The following UBE3B variants were observed in gnomAD, a reference collection of about 807,000 sequenced individuals.
The protein encoded by UBE3B is ubiquitin-protein ligase E3B.
In UBE3B, 80 loss-of-function variants were observed where a neutral mutation model predicts 132.3. The observed-to-expected ratio is 0.60, with a 90% CI of 0.50 to 0.73. The LOEUF (loss-of-function observed/expected upper bound fraction) is 0.73, where lower values mean the gene tolerates loss of function less well. Among genes scored for constraint, UBE3B ranks in the 30% least tolerant of loss-of-function variants. The probability of loss-of-function intolerance (pLI) is 0.00; values close to 1 mark genes in which losing one functional copy is unlikely to be tolerated. For missense variants in UBE3B, 1,196 were observed against 1,362.5 expected, an observed-to-expected ratio of 0.88 and a Z score of 1.92; for synonymous variants, 487 against 520.4, an observed-to-expected ratio of 0.94 and a Z score of 0.87.
intron 27 of UBE3B, chr12:109,533,818 G>A (rs867275857): frequency 1.1e-6 from 1 of 933,146 alleles, no homozygotes; most frequent in Middle Eastern, 2.1e-4. Context: ...GAGTGGGGGT[G>A]GGTACGTGCT....
chr12:109,530,595 C>T lies in UBE3B; in HGVS notation c.2859C>T (p.Ile953=). ...GTTTCCATGGAAGTCACAGAGTCAT[C>T]ATCTGGCTCTGGGATATTCTGGCCT... ...YGGFHGSHRV[I]IWLWDILASD... is the part of the protein sequence containing the mutation. The change falls in exon 26 of 28, where the codon ATC becomes ATT. Residue 953 remains isoleucine (I), a synonymous_variant. Coordinates refer to ENST00000342494, the MANE Select transcript of UBE3B (RefSeq NM_130466.4). 6.2e-7 allele frequency: 1 copy of T among 1,614,204 alleles called. No homozygotes were observed. The highest frequency in any genetic ancestry group is 1.1e-5 in the South Asian group (1 of 91,084).
chr12:109,509,811 C>A, intron 16 of UBE3B, 97 bp downstream of exon 16: 1 of 749,232 alleles, frequency 1.3e-6, no homozygotes, highest in Non-Finnish European at 2.2e-6. Flanking sequence ...TATTGTCTCT[C>A]CAAGTTAATA....
At chr12:109,486,604 GCAAAAC>G in intron 6 of UBE3B, 29 bp downstream of exon 6, 1 of 913,464 alleles carries the variant, frequency 1.1e-6, no homozygotes, top group South Asian at 1.9e-5. Context: ...AAAAAAAAAA[GCAAAAC>G]CAGAAACAGT....
At chr12:109,503,217 C>T in intron 14 of UBE3B, 27 bp downstream of exon 14, 1 of 1,601,430 alleles carries the variant, frequency 6.2e-7, no homozygotes, top group Non-Finnish European at 8.5e-7. Context: ...GCATCTTCTT[C>T]ACCTCTCACA....
At chr12:109,529,716 T>C (rs1033301300) in intron 24 of UBE3B, among the ~76,000 whole-genome samples, 174 bp from the exon 25 acceptor site, 5 of 152,200 alleles carry the variant, frequency 3.3e-5, no homozygotes, top group African/African-American at 1.2e-4. Context: ...TGGTGTGCAG[T>C]TCGTGAGTGC....
the UBE3B span, among the ~76,000 whole-genome samples, chr12:109,542,254 CTG>C: frequency 1.3e-5 from 2 of 152,252 alleles, no homozygotes; most frequent in Non-Finnish European, 2.9e-5. Flanking sequence ...GATTCCTGCA[CTG>C]TGTCTTCATG....
intron 9 of UBE3B, among the ~76,000 whole-genome samples, chr12:109,494,348 C>G (rs1048609249): frequency 1.3e-5 from 2 of 152,174 alleles, no homozygotes; most frequent in African/African-American, 4.8e-5. Flanking sequence ...CACTTGAGAA[C>G]CTTCCCAAAC....
At chr12:109,533,603 G>C in intron 27 of UBE3B, 45 bp downstream of exon 27, 1 of 1,537,456 alleles carries the variant, frequency 6.5e-7, no homozygotes, top group Non-Finnish European at 9.0e-7. Flanking sequence ...CTTCCCTCTT[G>C]GTGGTTGTCT....
rs1285640939 is a variant in UBE3B, at chr12:109,478,786, A to G, written c.-128+677A>G. Among the ~76,000 whole-genome samples the G allele has an allele frequency of 3.3e-5, 5 of 152,342 alleles. No homozygotes were observed. In the Middle Eastern group the frequency reaches 0.01, roughly 311 times the overall value. ...ACAAAGTGAGACTCCGTCTCAAAAA[A>G]ACAAAGATTATCGAGAACTGATAGA... On this transcript the variant is annotated intron_variant, in intron 1 of 27. Transcript: ENST00000342494.
At chr12:109,515,932 G>C (rs1208686988) in intron 18 of UBE3B, among the ~76,000 whole-genome samples, 1 of 152,184 alleles carries the variant, frequency 6.6e-6, no homozygotes, top group Admixed American at 6.5e-5. Flanking sequence ...TGGGCTTGAA[G>C]GCACAGAGGA....
intron 26 of UBE3B, among the ~76,000 whole-genome samples, 186 bp from the exon 27 acceptor site, chr12:109,533,280 C>G (rs1203359564): frequency 4.6e-5 from 7 of 152,164 alleles, no homozygotes; most frequent in Non-Finnish European, 1.0e-4. Context: ...GAGCAGCACC[C>G]TTGAGAGAGA....
chr12:109,513,100 C>G (rs1442047383), intron 18 of UBE3B, among the ~76,000 whole-genome samples: 2 of 152,182 alleles, frequency 1.3e-5, no homozygotes, highest in Non-Finnish European at 1.5e-5. Flanking sequence ...TATCCTTAGC[C>G]TCTCCACCTC....
chr12:109,510,439 G>T lies in UBE3B; in HGVS notation c.1837G>T (p.Glu613Ter). The part of the protein sequence containing the change: ...ERDCRRRFTP[E>*]DHWLRKDLKP... Reference sequence around the variant, plus strand: ...GGACTGCCGGCGGCGCTTCACCCCCGAGGACCACTGGCTGCGAAAGTGAGC... The same window carrying T: ...GGACTGCCGGCGGCGCTTCACCCCCTAGGACCACTGGCTGCGAAAGTGAGC... Residue 613 changes from glutamate to a stop codon, truncating the protein, a stop_gained, in exon 17 of 28, where the codon GAG becomes TAG. Transcript: ENST00000342494. LOFTEE classifies it high-confidence loss of function. 6.2e-7 allele frequency: 1 copy of T among 1,611,916 alleles called. No individual in the cohort carries two copies. The highest frequency in any genetic ancestry group is 8.5e-7 in the Non-Finnish European group (1 of 1,179,292).
chr12:109,490,893 C>T, intron 8 of UBE3B, 152 bp from the exon 9 acceptor site: 1 of 1,056,624 alleles, frequency 9.5e-7, no homozygotes, highest in Non-Finnish European at 1.3e-6. Flanking sequence ...CTGCCTCAGC[C>T]TCCTGAGCTG....
chr12:109,519,679 G>A (rs11067039), intron 19 of UBE3B: 1 of 152,166 alleles, frequency 6.6e-6, no homozygotes. Context: ...TTAAATTTAG[G>A]CAGAATGGTT....
rs746462871 is a variant in UBE3B, at chr12:109,501,329, C to A, written c.1119-42C>A. ...GTGTGGGCTGGCCCTGGCCCTGCAT[C>A]AGATGGAACTGACAGACCAGGTCTC... On this transcript the variant is annotated intron_variant, in intron 12 of 27. Transcript: ENST00000342494. 7 of 1,610,814 alleles carry A rather than the reference C, an allele frequency of 4.3e-6. No individual in the cohort carries two copies. In the Admixed American group the frequency reaches 6.7e-5, roughly 15 times the overall value.
chr12:109,491,892 C>T (rs1194654327), intron 9 of UBE3B: 1 of 152,116 alleles, frequency 6.6e-6, no homozygotes, highest in African/African-American at 2.4e-5. Flanking sequence ...CGGGGTTGGC[C>T]CAAACGTATC....
chr12:109,546,640 T>C, the UBE3B span, among the ~76,000 whole-genome samples: 2 of 152,238 alleles, frequency 1.3e-5, no homozygotes, highest in African/African-American at 4.8e-5. Flanking sequence ...CATTCATTCT[T>C]TCATACTCAT....
chr12:109,523,217 C>T (rs1881920235), intron 21 of UBE3B, among the ~76,000 whole-genome samples: 1 of 152,220 alleles, frequency 6.6e-6, no homozygotes, highest in Non-Finnish European at 1.5e-5. Context: ...TCTCTCTCCA[C>T]CCTCCTGCCG....
Sources: gnomAD v4.1 joint callset for allele counts (sites outside exome capture counted in the v4.1 genomes callset) on GRCh38, gnomAD v4.1.1 for gene constraint, MANE v1.5 for transcripts, NCBI Gene and HGNC (gene_info 2026-07-23, HGNC 2026-07-21) for gene names.